POMK: variants seen among roughly 807,000 people sequenced by gnomAD.
POMK encodes the protein protein O-mannose kinase, also known as Sugen kinase 196.
A neutral mutation model predicts 23.0 loss-of-function variants in POMK; 19 were observed. That is an observed-to-expected ratio of 0.83 (90% CI 0.58 to 1.21). The LOEUF is 1.21. Ranked by LOEUF, POMK falls within the 50% of genes most tolerant of loss-of-function variation. The probability of loss-of-function intolerance (pLI) is 0.00; values close to 1 mark genes in which losing one functional copy is unlikely to be tolerated. For synonymous variants in POMK, 173 were observed against 171.6 expected (o/e 1.01, Z -0.06); for missense variants, 410 against 431.3 (o/e 0.95, Z 0.44).
Position 43,123,024 on chromosome 8 carries a change from G to T in POMK, c.*147G>T. 3.0e-6 allele frequency: 2 copies of T among 674,838 alleles called. No individual in the cohort carries two copies. Among genetic ancestry groups the T allele is most frequent in the Non-Finnish European group, 5.0e-6 (2 of 402,082 alleles). The allele number at this position is 674,838 out of a possible 1,614,324, so 41.8% of individuals were successfully genotyped here. A position where few individuals can be genotyped will look rare whatever the true frequency, so the allele number is the denominator to read the frequency against. On this transcript the variant is annotated 3_prime_UTR_variant, in exon 5 of 5. Transcript: ENST00000331373. ...TGTGGTTCGTTGTCCACATCCACAT[G>T]TACGTTTGTATGTAGTCCACATTGG...
chr8:43,117,591 C>T (rs1197471441), intron 4 of POMK, among the ~76,000 whole-genome samples: 2 of 152,148 alleles, frequency 1.3e-5, no homozygotes, highest in East Asian at 1.9e-4. Flanking sequence ...AATTAATAAG[C>T]ACAAGGCAGA....
intron 4 of POMK, among the ~76,000 whole-genome samples, chr8:43,113,123 C>A (rs1004591018): frequency 1.3e-5 from 2 of 152,196 alleles, no homozygotes; most frequent in African/African-American, 4.8e-5. Flanking sequence ...ATCTTTGTGG[C>A]ATTTTCTGTA....
At chr8:43,111,945 G>A (rs1811677568) in intron 4 of POMK, among the ~76,000 whole-genome samples, 1 of 152,146 alleles carries the variant, frequency 6.6e-6, no homozygotes, top group East Asian at 1.9e-4. Flanking sequence ...ACCAAAAGTA[G>A]ATAAAACCAC....
At chr8:43,101,033 T>C (rs1319955453) in intron 2 of POMK, among the ~76,000 whole-genome samples, 1 of 152,082 alleles carries the variant, frequency 6.6e-6, no homozygotes, top group Non-Finnish European at 1.5e-5. Context: ...CAGAACAGTA[T>C]GAGCTTGTGT....
chr8:43,121,310 A>G (rs1020283945), intron 4 of POMK, among the ~76,000 whole-genome samples: 1 of 152,170 alleles, frequency 6.6e-6, no homozygotes, highest in African/African-American at 2.4e-5. Flanking sequence ...GATTTAAGCA[A>G]AAGATCAGAG....
chr8:43,119,801 G>T (rs1337024478), intron 4 of POMK, among the ~76,000 whole-genome samples: 1 of 152,108 alleles, frequency 6.6e-6, no homozygotes, highest in Non-Finnish European at 1.5e-5. Flanking sequence ...AGAGAGTCTT[G>T]AAAGAGTTTT....
rs778276455 is a variant in POMK, at chr8:43,103,543, G to C, written c.-6G>C. 1 of 1,613,588 alleles carries C rather than the reference G, an allele frequency of 6.2e-7. No individual in the cohort carries two copies. Among genetic ancestry groups the C allele is most frequent in the African/African-American group, 1.3e-5 (1 of 74,868 alleles). The stretch of plus-strand genomic sequence containing the variant: ...TGTATTTTAGGAAATTGCAGAGGCC[G>C]TCAACATGGAAAAGCAGCCCCAGAA... On this transcript the variant is annotated 5_prime_UTR_variant, in exon 4 of 5. Transcript: ENST00000331373.
chr8:43,093,884 C>T (rs1014612374), intron 1 of POMK, among the ~76,000 whole-genome samples: 5 of 152,332 alleles, frequency 3.3e-5, no homozygotes, highest in East Asian at 1.9e-4. Context: ...CAGGCGAGAG[C>T]AGCCTGGGCA....
chr8:43,105,374 C>G (rs1477155266), intron 4 of POMK, among the ~76,000 whole-genome samples: 4 of 152,178 alleles, frequency 2.6e-5, no homozygotes, highest in Non-Finnish European at 5.9e-5. Context: ...AACTGTTAGG[C>G]TTTTTACTTC....
At chr8:43,113,959 G>A (rs1034469587) in intron 4 of POMK, among the ~76,000 whole-genome samples, 1 of 152,184 alleles carries the variant, frequency 6.6e-6, no homozygotes. Flanking sequence ...CTGTCTGATC[G>A]TTCCTCTGGA....
At chr8:43,095,327 G>A (rs1811312781) in intron 1 of POMK, among the ~76,000 whole-genome samples, 1 of 152,170 alleles carries the variant, frequency 6.6e-6, no homozygotes, top group South Asian at 2.1e-4. Flanking sequence ...GTGTATAAAA[G>A]TCAAATGAAT....
rs114233921 is a variant in POMK, at chr8:43,115,209, G to T, written c.283-6898G>T. Reference sequence around the variant, plus strand: ...AATAGTGTCCACTTCTTGGCCTCTTGCCAGCTCTGCCTCCTCATCCCTTCC... The same window carrying T: ...AATAGTGTCCACTTCTTGGCCTCTTTCCAGCTCTGCCTCCTCATCCCTTCC... On this transcript the variant is annotated intron_variant, in intron 4 of 4. Transcript: ENST00000331373. Among the ~76,000 whole-genome samples the T allele has an allele frequency of 9.8e-3, 1,487 of 152,256 alleles. 31 individuals are homozygous for T. The highest frequency in any genetic ancestry group is 0.034 in the African/African-American group (1,411 of 41,540).
chr8:43,122,868 G>A lies in POMK; in HGVS notation c.1044G>A (p.Glu348=), dbSNP rs1426912299. Residue 348 remains glutamate (E), a synonymous_variant, in exon 5 of 5, where the codon GAG becomes GAA. Coordinates refer to ENST00000331373, the MANE Select transcript of POMK (RefSeq NM_032237.5). Reference sequence around the variant, plus strand: ...ATGCCATGATGTCTCAGGCAAGAGAGATGCTGTGAAAACCAGTCCAGCCAA... The same window carrying A: ...ATGCCATGATGTCTCAGGCAAGAGAAATGCTGTGAAAACCAGTCCAGCCAA... ...LRDAMMSQAR[E]ML is the part of the protein sequence containing the mutation. 1 of 1,607,168 alleles carries A rather than the reference G, an allele frequency of 6.2e-7. No individual in the cohort carries two copies. The highest frequency in any genetic ancestry group is 1.1e-5 in the South Asian group (1 of 90,658).
chr8:43,096,335 A>G (rs1363422271), intron 1 of POMK, among the ~76,000 whole-genome samples: 1 of 152,188 alleles, frequency 6.6e-6, no homozygotes, highest in Non-Finnish European at 1.5e-5. Context: ...TTGAATGTTA[A>G]GCAAGGTGGG....
chr8:43,102,228 C>T (rs556004105), intron 2 of POMK, among the ~76,000 whole-genome samples: 1 of 152,340 alleles, frequency 6.6e-6, no homozygotes, highest in African/African-American at 2.4e-5. Flanking sequence ...CCAGCACCCA[C>T]TGCAGGGCTG....
chr8:43,122,941 G>C lies in POMK; in HGVS notation c.*64G>C. 7.0e-7 allele frequency: 1 copy of C among 1,435,534 alleles called. No individual in the cohort carries two copies. The highest frequency in any genetic ancestry group is 1.3e-5 in the South Asian group (1 of 74,522). The allele number at this position is 1,435,534 out of a possible 1,614,324, so 88.9% of individuals were successfully genotyped here. ...AATGGAAGTTACAGCATTCTACTCT[G>C]ATGGTGGAGTTTTTTGCCTGAGTTT... On this transcript the variant is annotated 3_prime_UTR_variant, in exon 5 of 5. Coordinates refer to ENST00000331373, the MANE Select transcript of POMK (RefSeq NM_032237.5).
Position 43,123,032 on chromosome 8 carries a change from G to C in POMK, c.*155G>C. 1.5e-6 allele frequency: 1 copy of C among 646,234 alleles called. No homozygotes were observed. The highest frequency in any genetic ancestry group is 2.6e-6 in the Non-Finnish European group (1 of 378,470). 40.0% of individuals were successfully genotyped at this position (646,234 alleles called of 1,614,324 possible). ...GTTGTCCACATCCACATGTACGTTTGTATGTAGTCCACATTGGTTGTTAGA... is the reference window on the plus strand; with the variant it reads ...GTTGTCCACATCCACATGTACGTTTCTATGTAGTCCACATTGGTTGTTAGA... On this transcript the variant is annotated 3_prime_UTR_variant, in exon 5 of 5. Transcript: ENST00000331373.
chr8:43,103,408 C>T (rs1308353537), intron 3 of POMK, 120 bp from the exon 4 acceptor site: 2 of 888,922 alleles, frequency 2.2e-6, no homozygotes, highest in Non-Finnish European at 3.6e-6. Context: ...TGCTTTAATC[C>T]CCACGGTAAC....
At chr8:43,108,679 AG>A (rs1255155503) in intron 4 of POMK, among the ~76,000 whole-genome samples, 1 of 43,040 alleles carries the variant, frequency 2.3e-5, no homozygotes, top group Non-Finnish European at 4.3e-5. Context: ...GAGTTCTAAA[AG>A]TTTTTTTCCT....
Sources: allele counts gnomAD v4.1 joint callset (sites outside exome capture counted in the v4.1 genomes callset), GRCh38; gene constraint gnomAD v4.1.1; transcripts MANE v1.5; gene names NCBI Gene and HGNC (gene_info 2026-07-23, HGNC 2026-07-21).